Variants in ZNF407 observed in about 807,000 individuals in gnomAD.
ZNF407 encodes the protein zinc finger protein 407.
ZNF407 carries 17 observed loss-of-function variants against 131.2 expected under a neutral mutation model. The observed-to-expected ratio is 0.13, with a 90% CI of 0.09 to 0.19. ZNF407 has a LOEUF of 0.19. ZNF407 is among the 10% of genes least tolerant of loss of function. ZNF407 has a pLI of 1.00. For missense variants in ZNF407, 2,681 were observed against 2,830.6 expected (o/e 0.95, Z 1.20); for synonymous variants, 1,156 against 1,062.0 (o/e 1.09, Z -1.72).
chr18:74,821,948 T>G (rs1970346483), intron 4 of ZNF407, among the ~76,000 whole-genome samples: 1 of 152,244 alleles, frequency 6.6e-6, no homozygotes, highest in Non-Finnish European at 1.5e-5. Context: ...TCCTGACTTT[T>G]TAATGATTGC....
At chr18:75,010,494 C>A (rs1224489849) in intron 8 of ZNF407, among the ~76,000 whole-genome samples, 4 of 152,278 alleles carry the variant, frequency 2.6e-5, no homozygotes, top group Non-Finnish European at 4.4e-5. Flanking sequence ...CTGCCACTTC[C>A]TTGTGACTGC....
intron 8 of ZNF407, among the ~76,000 whole-genome samples, chr18:74,926,211 T>C (rs751056591): frequency 1.6e-4 from 24 of 152,232 alleles, no homozygotes; most frequent in Non-Finnish European, 3.2e-4. Flanking sequence ...GGTATTTTGA[T>C]AGCTGATGTT....
At chr18:74,927,057 G>T (rs1971923375) in intron 8 of ZNF407, among the ~76,000 whole-genome samples, 1 of 152,146 alleles carries the variant, frequency 6.6e-6, no homozygotes, top group African/African-American at 2.4e-5. Context: ...GAAGAACTCT[G>T]TTTTTCATGC....
At chr18:74,908,002 A>G (rs544067039) in intron 7 of ZNF407, among the ~76,000 whole-genome samples, 1 of 152,220 alleles carries the variant, frequency 6.6e-6, no homozygotes, top group Non-Finnish European at 1.5e-5. Context: ...TTACATAACT[A>G]TCTGTATTTC....
intron 8 of ZNF407, among the ~76,000 whole-genome samples, chr18:74,987,155 C>T (rs532828355): frequency 4.6e-5 from 7 of 152,024 alleles, no homozygotes; most frequent in African/African-American, 1.2e-4. Context: ...TGGCATACTC[C>T]GAAGTGCATT....
intron 3 of ZNF407, among the ~76,000 whole-genome samples, chr18:74,676,629 T>G (rs866087946): frequency 7.9e-5 from 12 of 151,674 alleles, no homozygotes; most frequent in Admixed American, 5.2e-4. Context: ...AGAGACGGGG[T>G]TTCACCGTGT....
At chr18:75,045,417 T>C (rs773293944) in intron 8 of ZNF407, among the ~76,000 whole-genome samples, 1 of 152,170 alleles carries the variant, frequency 6.6e-6, no homozygotes, top group African/African-American at 2.4e-5. Flanking sequence ...AGCAAAACAA[T>C]TGTCAAGTCC....
chr18:74,837,961 G>A (rs1048982285), intron 4 of ZNF407, among the ~76,000 whole-genome samples: 13 of 152,118 alleles, frequency 8.5e-5, no homozygotes, highest in African/African-American at 3.1e-4. Context: ...GAGCATTTGT[G>A]TAACTTTAAA....
intron 3 of ZNF407, among the ~76,000 whole-genome samples, chr18:74,677,530 CT>C (rs1176095879): frequency 1.3e-5 from 2 of 151,366 alleles, no homozygotes; most frequent in East Asian, 3.9e-4. Flanking sequence ...ATAGTATTTT[CT>C]TTTTTTTTCC....
intron 3 of ZNF407, among the ~76,000 whole-genome samples, chr18:74,686,209 T>C (rs181208289): frequency 2.3e-4 from 35 of 152,340 alleles, no homozygotes; most frequent in African/African-American, 7.9e-4. Context: ...CCCTAGACTT[T>C]CTTTCTGGGC....
intron 8 of ZNF407, among the ~76,000 whole-genome samples, chr18:74,978,369 C>T (rs1972551424): frequency 6.6e-6 from 1 of 151,938 alleles, no homozygotes; most frequent in African/African-American, 2.4e-5. Flanking sequence ...TGTGTGAAGA[C>T]ATAGAGGGGT....
At position 74,635,189 on chromosome 18, in the gene ZNF407, C is replaced by T; in HGVS notation, c.4170C>T (p.Pro1390=). ...IATGVRISEL[P]LKDCAQGVKK... is the part of the protein sequence containing the mutation. ...CGGGAGTGAGAATTAGTGAGCTGCC[C>T]TTGAAAGACTGTGCTCAAGGTGTGA... The change falls in exon 2 of 9, where the codon CCC becomes CCT. Residue 1390 remains proline, a synonymous_variant. Coordinates refer to ENST00000299687, the MANE Select transcript of ZNF407 (RefSeq NM_017757.3). This position sits in a 1 kb window ranked among gnomAD's most constrained non-coding sequence, Gnocchi z 4.7. 1 of 1,613,994 alleles carries T rather than the reference C, an allele frequency of 6.2e-7. No individual in the cohort carries two copies. Among genetic ancestry groups the T allele is most frequent in the Non-Finnish European group, 8.5e-7 (1 of 1,179,892 alleles).
intron 3 of ZNF407, among the ~76,000 whole-genome samples, chr18:74,645,699 A>C (rs1984943137): frequency 6.6e-6 from 1 of 150,730 alleles, no homozygotes. Flanking sequence ...TTTGTGCATT[A>C]GAAGGGATCT....
At chr18:74,608,237 A>C (rs547563936) in intron 1 of ZNF407, among the ~76,000 whole-genome samples, 1 of 152,380 alleles carries the variant, frequency 6.6e-6, no homozygotes, top group African/African-American at 2.4e-5. Flanking sequence ...ATTTGAATTT[A>C]ACCAATGGTT....
intron 8 of ZNF407, among the ~76,000 whole-genome samples, chr18:74,938,453 CTCTG>C (rs765774104): frequency 2.4e-4 from 37 of 152,250 alleles, no homozygotes; most frequent in South Asian, 1.0e-3. Flanking sequence ...AATTAAGACG[CTCTG>C]TCTCTTTGAC....
At position 74,632,761 on chromosome 18, in the gene ZNF407, A is replaced by G. The variant is rs770147205; in HGVS notation, c.1742A>G (p.His581Arg). ...DLDEHLHSNQ[H>R]QQTASVLSCQ... ...GATGAACATTTGCACAGTAACCAGC[A>G]TCAGCAAACTGCTTCTGTCCTGAGT... Residue 581 changes from histidine to arginine, a missense_variant, in exon 2 of 9, where the codon CAT (histidine) becomes CGT (arginine). By Grantham distance (29) the His-to-Arg change is conservative. Coordinates refer to ENST00000299687, the MANE Select transcript of ZNF407 (RefSeq NM_017757.3). The G allele has an allele frequency of 2.5e-6, 4 of 1,614,052 alleles. No individual in the cohort carries two copies. Among genetic ancestry groups the G allele is most frequent in the Non-Finnish European group, 3.4e-6 (4 of 1,179,894 alleles).
At chr18:74,757,939 A>G (rs1279097729) in intron 3 of ZNF407, among the ~76,000 whole-genome samples, 2 of 152,140 alleles carry the variant, frequency 1.3e-5, no homozygotes, top group African/African-American at 4.8e-5. Context: ...TCTGATATGA[A>G]TATAGCCGCT....
intron 4 of ZNF407, among the ~76,000 whole-genome samples, chr18:74,858,538 G>A (rs1417071859): frequency 6.6e-6 from 1 of 152,150 alleles, no homozygotes; most frequent in Non-Finnish European, 1.5e-5. Context: ...AATCTTTGAG[G>A]GAACAGGTAG....
intron 4 of ZNF407, among the ~76,000 whole-genome samples, chr18:74,818,466 ATG>A (rs1466133113): frequency 1.3e-5 from 2 of 152,326 alleles, no homozygotes; most frequent in Non-Finnish European, 2.9e-5. Context: ...CACATGCAAT[ATG>A]TGTTTATTAA....
Sources: allele counts gnomAD v4.1 joint callset (sites outside exome capture counted in the v4.1 genomes callset), GRCh38; gene constraint gnomAD v4.1.1; non-coding constraint Gnocchi (gnomAD v3.1); transcripts MANE v1.5; gene names NCBI Gene and HGNC (gene_info 2026-07-23, HGNC 2026-07-21).